Variants in LARGE1 observed in about 807,000 individuals in gnomAD.
The protein encoded by LARGE1 is LARGE xylosyl- and glucuronyltransferase 1, also known as xylosyl- and glucuronyltransferase LARGE1.
A neutral mutation model predicts 87.6 loss-of-function variants in LARGE1; 43 were observed. The observed-to-expected ratio is 0.49, with a 90% confidence interval of 0.38 to 0.63. The LOEUF (loss-of-function observed/expected upper bound fraction) is 0.63. Among genes scored for constraint, LARGE1 ranks in the 30% least tolerant of loss-of-function variants. The probability of loss-of-function intolerance (pLI) is 0.00; values close to 1 mark genes in which losing one functional copy is unlikely to be tolerated. For synonymous variants in LARGE1, 434 were observed against 394.6 expected (o/e 1.10, Z -1.18); for missense variants, 802 against 1,000.2 (o/e 0.80, Z 2.67).
chr22:33,678,634 T>C lies in LARGE1; in HGVS notation c.107-27966A>G, dbSNP rs144227071. Among the ~76,000 whole-genome samples the C allele has an allele frequency of 2.4e-3, 371 of 152,280 alleles. 2 individuals carry two copies. The highest frequency in any genetic ancestry group is 8.7e-3 in the African/African-American group (360 of 41,546). ...TTCAGCACTGGCACTAGCAGCTAATTCTCTCTTTCCTGCTTCTCCAAGCTG... is the reference window on the plus strand; with the variant it reads ...TTCAGCACTGGCACTAGCAGCTAATCCTCTCTTTCCTGCTTCTCCAAGCTG... On this transcript the variant is annotated intron_variant, in intron 2 of 14. Coordinates refer to ENST00000397394, the MANE Select transcript of LARGE1 (RefSeq NM_133642.5).
chr22:33,641,060 G>A (rs890748348), intron 3 of LARGE1, among the ~76,000 whole-genome samples: 3 of 152,042 alleles, frequency 2.0e-5, no homozygotes, highest in African/African-American at 7.2e-5. Flanking sequence ...CAGCACTCAA[G>A]CTCTGCTAAG....
At chr22:33,255,007 T>G (rs1457799220) in intron 11 of LARGE1, among the ~76,000 whole-genome samples, 1 of 150,392 alleles carries the variant, frequency 6.6e-6, no homozygotes, top group East Asian at 2.0e-4. Context: ...GCGAGATCTC[T>G]GCTCACTGCA....
chr22:33,285,251 C>A (rs1260968713), intron 12 of LARGE1, among the ~76,000 whole-genome samples: 1 of 152,238 alleles, frequency 6.6e-6, no homozygotes, highest in Non-Finnish European at 1.5e-5. Flanking sequence ...ATACAGAAAG[C>A]AGCCTTTCCT....
chr22:33,781,956 T>TACACAC (rs2085436266), intron 1 of LARGE1, among the ~76,000 whole-genome samples: 1 of 151,978 alleles, frequency 6.6e-6, no homozygotes, highest in Non-Finnish European at 1.5e-5. Context: ...CATATATATA[T>TACACAC]ATACACACAC....
At chr22:33,513,868 T>A (rs2071172009) in intron 6 of LARGE1, among the ~76,000 whole-genome samples, 1 of 147,076 alleles carries the variant, frequency 6.8e-6, no homozygotes, top group African/African-American at 2.5e-5. Flanking sequence ...CACATAATGA[T>A]GTTTTGGTCA....
intron 6 of LARGE1, among the ~76,000 whole-genome samples, chr22:33,541,747 T>TAA (rs35401796): frequency 2.6e-3 from 353 of 137,674 alleles, no homozygotes; most frequent in Admixed American, 6.5e-3. Context: ...TTCCAAAAAT[T>TAA]AAAAAAAAAA....
chr22:33,336,890 T>G (rs1301550183), intron 10 of LARGE1, among the ~76,000 whole-genome samples: 1 of 151,856 alleles, frequency 6.6e-6, no homozygotes, highest in African/African-American at 2.4e-5. Context: ...TGAAACCCCA[T>G]CTCTACTAAA....
intron 6 of LARGE1, among the ~76,000 whole-genome samples, chr22:33,540,829 C>T (rs1467665409): frequency 6.6e-6 from 1 of 151,796 alleles, no homozygotes; most frequent in African/African-American, 2.4e-5. Flanking sequence ...GAGAAGGTGC[C>T]CAGTTTTCCT....
chr22:33,552,630 C>T lies in LARGE1; in HGVS notation c.787+12218G>A, dbSNP rs888958730. Among the ~76,000 whole-genome samples the T allele has an allele frequency of 9.2e-5, 14 of 152,162 alleles. No homozygotes were observed. In the East Asian group the frequency reaches 2.7e-3, roughly 29 times the overall value. ...CTCGCCCTCCTTCTCCCCTGTACAA[C>T]TCAAAGATAAAAAGAAAAGCTAGAG... On this transcript the variant is annotated intron_variant, in intron 6 of 14. Coordinates refer to ENST00000397394, the MANE Select transcript of LARGE1 (RefSeq NM_133642.5).
intron 11 of LARGE1, among the ~76,000 whole-genome samples, chr22:33,184,287 G>A (rs1049168978): frequency 6.6e-6 from 1 of 151,028 alleles, no homozygotes; most frequent in African/African-American, 2.4e-5. Context: ...AAAGTATAAT[G>A]AAATACCTAG....
At chr22:33,656,496 C>A (rs962718894) in intron 2 of LARGE1, among the ~76,000 whole-genome samples, 2 of 152,082 alleles carry the variant, frequency 1.3e-5, no homozygotes, top group Non-Finnish European at 2.9e-5. Flanking sequence ...ACAGCCAAAC[C>A]GTATCAATAC....
At chr22:33,745,612 AC>A (rs2031449238) in intron 2 of LARGE1, among the ~76,000 whole-genome samples, 1 of 152,186 alleles carries the variant, frequency 6.6e-6, no homozygotes, top group African/African-American at 2.4e-5. Flanking sequence ...ACTCACAGAT[AC>A]AGCTTCTAGG....
chr22:33,197,475 G>A (rs1203684114), intron 11 of LARGE1, among the ~76,000 whole-genome samples: 1 of 151,886 alleles, frequency 6.6e-6, no homozygotes, highest in African/African-American at 2.4e-5. Context: ...AAACTCAATT[G>A]TCTTATCTTC....
At chr22:33,529,312 G>C (rs992841089) in intron 6 of LARGE1, among the ~76,000 whole-genome samples, 18 of 152,148 alleles carry the variant, frequency 1.2e-4, no homozygotes, top group African/African-American at 3.9e-4. Flanking sequence ...GTGTCCCTCA[G>C]GTTGAACCAG....
chr22:33,350,340 G>A (rs1027619837), intron 9 of LARGE1, among the ~76,000 whole-genome samples: 2 of 152,148 alleles, frequency 1.3e-5, no homozygotes, highest in African/African-American at 4.8e-5. Flanking sequence ...GCCTTTATGC[G>A]ACTTCCCTGC....
At chr22:33,350,686 G>A (rs1344592649) in intron 9 of LARGE1, among the ~76,000 whole-genome samples, 1 of 152,162 alleles carries the variant, frequency 6.6e-6, no homozygotes, top group Non-Finnish European at 1.5e-5. Flanking sequence ...GTGCTTCCTG[G>A]TTCCCAGCAG....
At chr22:33,846,917 T>A (rs4591436) in intron 1 of LARGE1, among the ~76,000 whole-genome samples, 1 of 152,108 alleles carries the variant, frequency 6.6e-6, no homozygotes, top group Admixed American at 6.5e-5. Context: ...ATTTCACCCC[T>A]GTCCTGTGGT....
chr22:33,297,709 A>G (rs1012779319), intron 12 of LARGE1, among the ~76,000 whole-genome samples: 3 of 148,630 alleles, frequency 2.0e-5, no homozygotes, highest in Non-Finnish European at 4.5e-5. Context: ...AAAGATGAGG[A>G]TTCCTCACGC....
chr22:33,830,666 C>G (rs1473524770), intron 1 of LARGE1, among the ~76,000 whole-genome samples: 1 of 152,176 alleles, frequency 6.6e-6, no homozygotes, highest in African/African-American at 2.4e-5. Context: ...GAAATGATGA[C>G]AATGGCGGTG....
Sources: gnomAD v4.1 joint callset for allele counts (sites outside exome capture counted in the v4.1 genomes callset) on GRCh38, gnomAD v4.1.1 for gene constraint, MANE v1.5 for transcripts, NCBI Gene and HGNC (gene_info 2026-07-23, HGNC 2026-07-21) for gene names.